The following NPL variants were observed in gnomAD, a reference collection of about 807,000 sequenced individuals.
NPL encodes N-acetylneuraminate pyruvate lyase, also known as N-acetylneuraminate lyase.
In NPL, 32 loss-of-function variants were observed where a neutral mutation model predicts 41.1. The ratio of observed to expected loss-of-function variants is 0.78; its 90% CI spans 0.59 to 1.05. The LOEUF (loss-of-function observed/expected upper bound fraction) is 1.05, where lower values mean the gene tolerates loss of function less well. Ranked by LOEUF, NPL falls within the 50% of genes least tolerant of loss-of-function variation. The pLI is 0.00. For missense variants in NPL, 321 were observed against 378.4 expected (o/e 0.85, Z 1.26); for synonymous variants, 128 against 134.9 (o/e 0.95, Z 0.35).
At chr1:182,790,307 G>C (rs184756421) in intron 1 of NPL, among the ~76,000 whole-genome samples, 7 of 152,202 alleles carry the variant, frequency 4.6e-5, no homozygotes, top group Admixed American at 1.3e-4. Context: ...ATTTGACTTA[G>C]GCAGCTTTAA....
chr1:182,790,057 G>A (rs1280638092), intron 1 of NPL, among the ~76,000 whole-genome samples: 1 of 152,224 alleles, frequency 6.6e-6, no homozygotes, highest in Non-Finnish European at 1.5e-5. Context: ...TATCTGCCGG[G>A]TCTCCAAAGG....
In NPL at chr1:182,830,272, G is replaced by A. The variant is rs1382431728; in HGVS notation, c.*1364G>A. The A allele has an allele frequency of 3.9e-5, 6 of 152,140 alleles. No individual in the cohort carries two copies. Among genetic ancestry groups the A allele is most frequent in the African/African-American group, 1.2e-4 (5 of 41,422 alleles). 9.4% of individuals were successfully genotyped at this position (152,140 alleles called of 1,614,324 possible). On this transcript the variant is annotated 3_prime_UTR_variant, in exon 13 of 13. Coordinates refer to ENST00000367553, the MANE Select transcript of NPL (RefSeq NM_030769.3). ...TTAATTTCCTGAAAGAAGAAAATGA[G>A]TTGTTCGTTTTTGGTTCTGAGGATG...
intron 8 of NPL, among the ~76,000 whole-genome samples, chr1:182,817,474 A>G (rs763139101): frequency 4.6e-5 from 7 of 152,176 alleles, no homozygotes; most frequent in African/African-American, 1.7e-4. Flanking sequence ...CCAACAACCA[A>G]TTCTTCATCA....
chr1:182,796,334 C>G (rs1007928531), intron 3 of NPL, among the ~76,000 whole-genome samples: 1 of 151,884 alleles, frequency 6.6e-6, no homozygotes. Flanking sequence ...TTTGGAACAC[C>G]CACCAAGAAC....
Position 182,797,864 on chromosome 1 carries a change from C to T in NPL, c.68+3425C>T, listed in dbSNP as rs78183878. ...ATAGATATTGAATGCCAATAATATA[C>T]AAGAACTGAGAAATTATCTTATTTA... On this transcript the variant is annotated intron_variant, in intron 3 of 12. Transcript: ENST00000367553. 6.0e-3 allele frequency among the ~76,000 whole-genome samples: 917 copies of T among 152,290 alleles called. 10 individuals are homozygous for T. Among genetic ancestry groups the T allele is most frequent in the East Asian group, 0.034 (177 of 5,196 alleles).
In NPL at chr1:182,828,425, C is replaced by G. The variant is rs1487421097; in HGVS notation, c.779-299C>G. On this transcript the variant is annotated intron_variant, in intron 12 of 12. Coordinates refer to ENST00000367553, the MANE Select transcript of NPL (RefSeq NM_030769.3). This position sits in a 1 kb window ranked among gnomAD's most constrained non-coding sequence, Gnocchi z 4.0. ...TTGGCATCAGCTTCTCCTCACCCTT[C>G]TGACCTCTTTATTCCTGACACCTTT... is the stretch of plus-strand genomic sequence containing the variant. Among the ~76,000 whole-genome samples the G allele has an allele frequency of 6.6e-6, 1 of 152,184 alleles. No homozygotes were observed. Among genetic ancestry groups the G allele is most frequent in the Non-Finnish European group, 1.5e-5 (1 of 68,040 alleles).
chr1:182,806,273 G>A (rs1667006730), intron 5 of NPL, 41 bp downstream of exon 5: 1 of 1,613,256 alleles, frequency 6.2e-7, no homozygotes, highest in Non-Finnish European at 8.5e-7. Flanking sequence ...TTTGGCAACA[G>A]CTGTATTCAG....
chr1:182,824,530 G>T (rs1383666407), intron 11 of NPL, among the ~76,000 whole-genome samples: 1 of 152,104 alleles, frequency 6.6e-6, no homozygotes, highest in Admixed American at 6.5e-5. Context: ...GGGCACGGTG[G>T]CTCACGCCTG....
intron 4 of NPL, among the ~76,000 whole-genome samples, chr1:182,804,347 C>T (rs531100771): frequency 1.3e-5 from 2 of 152,236 alleles, no homozygotes; most frequent in South Asian, 4.1e-4. Context: ...AGGCTGGTCT[C>T]GAACTCCTGA....
At chr1:182,822,985 C>T (rs1432595874) in intron 11 of NPL, among the ~76,000 whole-genome samples, 4 of 152,262 alleles carry the variant, frequency 2.6e-5, no homozygotes, top group Admixed American at 1.3e-4. Flanking sequence ...CCTCCCGCCT[C>T]AGCCTCCTGA....
At chr1:182,825,238 AT>A (rs1439936114) in intron 11 of NPL, among the ~76,000 whole-genome samples, 1 of 151,952 alleles carries the variant, frequency 6.6e-6, no homozygotes, top group East Asian at 1.9e-4. Flanking sequence ...GGCTGTCTTT[AT>A]TTTTTTTCAA....
intron 12 of NPL, chr1:182,826,136 C>T: frequency 2.3e-6 from 1 of 439,566 alleles, no homozygotes; most frequent in Non-Finnish European, 4.2e-6. Context: ...AGGTTGATTT[C>T]AGCCTAAGTG....
chr1:182,825,266 G>A (rs1667600903), intron 11 of NPL, among the ~76,000 whole-genome samples: 1 of 152,150 alleles, frequency 6.6e-6, no homozygotes, highest in African/African-American at 2.4e-5. Flanking sequence ...AAAAGACTGT[G>A]CAAGGGGAAA....
intron 5 of NPL, chr1:182,806,555 ACT>A: frequency 6.5e-7 from 1 of 1,534,624 alleles, no homozygotes; most frequent in Middle Eastern, 1.7e-4. Flanking sequence ...GTGGTGACGG[ACT>A]CTGCTGGTCA....
Position 182,816,714 on chromosome 1 carries a change from A to G in NPL, c.365A>G (p.Asp122Gly), listed in dbSNP as rs753699359. Residue 122 changes from aspartate (D) to glycine (G), a missense_variant and splice_region_variant, in exon 8 of 13, where the codon GAT becomes GGT. Coordinates refer to ENST00000367553, the MANE Select transcript of NPL (RefSeq NM_030769.3). ...ATGACTGTTCCTACTGTTCTTTCAG[A>G]TATCCTGATTAATTTCCTAAAGGAA... ...APFFLKPWTK[D>G]ILINFLKEVA... 1.2e-6 allele frequency: 2 copies of G among 1,610,564 alleles called. No homozygotes were observed. The highest frequency in any genetic ancestry group is 2.7e-5 in the African/African-American group (2 of 74,710).
intron 6 of NPL, among the ~76,000 whole-genome samples, chr1:182,812,827 G>A (rs566231027): frequency 6.6e-6 from 1 of 151,988 alleles, no homozygotes; most frequent in Admixed American, 6.6e-5. Context: ...AAGAGAGGAA[G>A]GGGTTAAAGT....
At chr1:182,801,406 C>T (rs1343639369) in intron 3 of NPL, among the ~76,000 whole-genome samples, 2 of 152,172 alleles carry the variant, frequency 1.3e-5, no homozygotes, top group African/African-American at 4.8e-5. Context: ...GGTCGAAGCA[C>T]TATCCACTGA....
chr1:182,810,666 ATTC>A (rs928343688), intron 5 of NPL, among the ~76,000 whole-genome samples: 1 of 151,094 alleles, frequency 6.6e-6, no homozygotes, highest in African/African-American at 2.4e-5. Context: ...AAAAGGCTCT[ATTC>A]TTTTTTCTCT....
At chr1:182,797,531 A>C (rs1463983656) in intron 3 of NPL, among the ~76,000 whole-genome samples, 1 of 152,110 alleles carries the variant, frequency 6.6e-6, no homozygotes, top group Non-Finnish European at 1.5e-5. Flanking sequence ...TTTCTTTGTC[A>C]CCATACCTCT....
Sources: allele counts gnomAD v4.1 joint callset (sites outside exome capture counted in the v4.1 genomes callset), GRCh38; gene constraint gnomAD v4.1.1; non-coding constraint Gnocchi (gnomAD v3.1); transcripts MANE v1.5; gene names NCBI Gene and HGNC (gene_info 2026-07-23, HGNC 2026-07-21).